The following RALYL variants were observed in gnomAD, a reference collection of about 807,000 sequenced individuals.
The protein encoded by RALYL is RALY RNA binding protein like.
RALYL carries 29 observed loss-of-function variants against 35.1 expected under a neutral mutation model. That is an observed-to-expected ratio of 0.83 (90% CI 0.61 to 1.13). The LOEUF is 1.13. Ranked by LOEUF, RALYL falls within the 50% of genes most tolerant of loss-of-function variation. The pLI, the probability that RALYL is intolerant of heterozygous loss-of-function variation, is 0.00. For synonymous variants in RALYL, 120 were observed against 127.6 expected (o/e 0.94, Z 0.40); for missense variants, 359 against 360.4 (o/e 1.00, Z 0.03).
chr8:84,706,557 T>C (rs991839352), intron 2 of RALYL, among the ~76,000 whole-genome samples: 2 of 152,128 alleles, frequency 1.3e-5, no homozygotes, highest in Admixed American at 1.3e-4. Context: ...AGGATATTCA[T>C]TGCCAAACTT....
chr8:84,215,928 A>G (rs1471962181), intron 1 of RALYL, among the ~76,000 whole-genome samples: 2 of 152,208 alleles, frequency 1.3e-5, no homozygotes, highest in African/African-American at 2.4e-5. Context: ...ATCACTGTAC[A>G]TACTCCCTGG....
At chr8:84,437,369 A>G (rs1230415384) in intron 1 of RALYL, among the ~76,000 whole-genome samples, 1 of 152,170 alleles carries the variant, frequency 6.6e-6, no homozygotes, top group Non-Finnish European at 1.5e-5. Flanking sequence ...TCTTTCAGAT[A>G]TCTACCCAGT....
At chr8:84,433,938 G>A (rs892206910) in intron 1 of RALYL, among the ~76,000 whole-genome samples, 1 of 150,950 alleles carries the variant, frequency 6.6e-6, no homozygotes, top group Admixed American at 6.6e-5. Flanking sequence ...TTTGTTTGTG[G>A]GTACCTCAAT....
intron 1 of RALYL, among the ~76,000 whole-genome samples, chr8:84,456,438 ACTC>A (rs892781277): frequency 2.0e-5 from 3 of 151,728 alleles, no homozygotes; most frequent in African/African-American, 7.3e-5. Context: ...ATGCAATACT[ACTC>A]CTGGGCATCC....
chr8:84,313,717 A>C (rs1843228450), intron 1 of RALYL, among the ~76,000 whole-genome samples: 1 of 152,140 alleles, frequency 6.6e-6, no homozygotes, highest in South Asian at 2.1e-4. Flanking sequence ...TCTCCATCTG[A>C]GACCACCTCA....
chr8:84,240,759 GAATA>G (rs1326221488), intron 1 of RALYL, among the ~76,000 whole-genome samples: 2 of 152,028 alleles, frequency 1.3e-5, no homozygotes, highest in Non-Finnish European at 2.9e-5. Flanking sequence ...TAACAGACAG[GAATA>G]GAAAAGATGT....
chr8:84,777,994 G>GTCAT (rs763406842), intron 3 of RALYL, among the ~76,000 whole-genome samples: 7 of 152,010 alleles, frequency 4.6e-5, no homozygotes, highest in South Asian at 2.1e-4. Context: ...TTTTTACTCG[G>GTCAT]TCATTCATTC....
At chr8:84,577,020 T>C (rs1809610827) in intron 2 of RALYL, among the ~76,000 whole-genome samples, 1 of 152,240 alleles carries the variant, frequency 6.6e-6, no homozygotes, top group Admixed American at 6.5e-5. Flanking sequence ...ACTGAACTTT[T>C]GACTGTACAT....
At chr8:84,731,518 G>A (rs1036931088) in intron 2 of RALYL, among the ~76,000 whole-genome samples, 21 of 152,120 alleles carry the variant, frequency 1.4e-4, no homozygotes, top group South Asian at 6.2e-4. Context: ...ATCACCAAAC[G>A]TCAGTGATTT....
intron 6 of RALYL, among the ~76,000 whole-genome samples, chr8:84,867,938 A>T (rs1040026755): frequency 6.6e-6 from 1 of 152,164 alleles, no homozygotes; most frequent in Admixed American, 6.5e-5. Context: ...GGACCAGAAA[A>T]TTTAAAAATG....
At chr8:84,464,389 G>A (rs2051252219) in intron 1 of RALYL, among the ~76,000 whole-genome samples, 1 of 151,244 alleles carries the variant, frequency 6.6e-6, no homozygotes, top group Admixed American at 6.6e-5. Flanking sequence ...AGAATATGCG[G>A]TGTTTGGTTT....
At chr8:84,367,135 TTTTCTTTTTTTTTTTTTTGA>T (rs1675621083) in intron 1 of RALYL, among the ~76,000 whole-genome samples, 1 of 148,364 alleles carries the variant, frequency 6.7e-6, no homozygotes, top group Admixed American at 6.7e-5. Context: ...TTGTTTTCTT[TTTTCTTTTTTTTTTTTTTGA>T]GATGGAATCT....
At chr8:84,742,446 C>T (rs1163829299) in intron 2 of RALYL, among the ~76,000 whole-genome samples, 1 of 151,576 alleles carries the variant, frequency 6.6e-6, no homozygotes, top group Non-Finnish European at 1.5e-5. Context: ...GTTAGTTGGA[C>T]CAAAAAAATT....
At chr8:84,418,947 A>G (rs1292719173) in intron 1 of RALYL, among the ~76,000 whole-genome samples, 1 of 152,034 alleles carries the variant, frequency 6.6e-6, no homozygotes, top group Admixed American at 6.6e-5. Flanking sequence ...TTGTCTAAGT[A>G]TCTCCCTAAT....
At chr8:84,875,427 T>A (rs1042230758) in intron 7 of RALYL, among the ~76,000 whole-genome samples, 3 of 152,276 alleles carry the variant, frequency 2.0e-5, no homozygotes, top group African/African-American at 7.2e-5. Flanking sequence ...TTTTGGAAGA[T>A]CATTTAGAAA....
chr8:84,548,776 A>AT lies in RALYL; in HGVS notation c.256+19205dup, dbSNP rs1257592935. 1.2e-4 allele frequency among the ~76,000 whole-genome samples: 18 copies of AT among 151,754 alleles called. No homozygotes were observed. The East Asian group carries it at 1.7e-3, about 15-fold the overall frequency. On this transcript the variant is annotated intron_variant, in intron 2 of 8. Coordinates refer to ENST00000521268, the MANE Select transcript of RALYL (RefSeq NM_173848.7). ...TTTCTTCCTCAATTTTATTTGAGCC[A>AT]TTTTTTCTCTTTTTCTTTTTTCTTT...
chr8:84,539,874 A>G (rs1028170698), intron 2 of RALYL, among the ~76,000 whole-genome samples: 1,914 of 9,590 alleles, frequency 0.2, 53 homozygotes, highest in African/African-American at 0.3. Flanking sequence ...ATATATATAT[A>G]TATGTATATA....
At chr8:84,263,596 T>G (rs1832711387) in intron 1 of RALYL, among the ~76,000 whole-genome samples, 2 of 152,314 alleles carry the variant, frequency 1.3e-5, no homozygotes, top group South Asian at 4.1e-4. Context: ...TTTTTTATTT[T>G]TTATTTTTCA....
intron 2 of RALYL, among the ~76,000 whole-genome samples, chr8:84,573,341 A>G (rs1808497218): frequency 6.6e-6 from 1 of 151,674 alleles, no homozygotes; most frequent in Non-Finnish European, 1.5e-5. Flanking sequence ...GAACTTTAGT[A>G]TTATAGTTTT....
Sources: gnomAD v4.1 joint callset for allele counts (sites outside exome capture counted in the v4.1 genomes callset) on GRCh38, gnomAD v4.1.1 for gene constraint, MANE v1.5 for transcripts, NCBI Gene and HGNC (gene_info 2026-07-23, HGNC 2026-07-21) for gene names.